MEIS2: variants seen among roughly 807,000 people sequenced by gnomAD.
The protein encoded by MEIS2 is Meis homeobox 2, also known as homeobox protein Meis2.
In MEIS2, 9 loss-of-function variants were observed where a neutral mutation model predicts 58.6. The observed-to-expected ratio is 0.15, with a 90% confidence interval of 0.09 to 0.27. MEIS2 has a LOEUF of 0.27. MEIS2 is among the 10% of genes least tolerant of loss of function. The pLI is 1.00. For synonymous variants in MEIS2, 221 were observed against 228.4 expected (o/e 0.97, Z 0.29); for missense variants, 427 against 635.0 (o/e 0.67, Z 3.52).
chr15:36,951,196 C>T (rs1010329927), intron 8 of MEIS2, among the ~76,000 whole-genome samples: 1 of 152,176 alleles, frequency 6.6e-6, no homozygotes, highest in African/African-American at 2.4e-5. Context: ...CTTCCATTAT[C>T]AAGACACTTT....
intron 7 of MEIS2, among the ~76,000 whole-genome samples, chr15:37,063,127 A>C (rs1889449194): frequency 6.6e-6 from 1 of 152,034 alleles, no homozygotes. Flanking sequence ...ACCAAAACCC[A>C]CCTGAAGCTT....
intron 7 of MEIS2, among the ~76,000 whole-genome samples, chr15:37,065,737 A>C (rs1432209987): frequency 6.6e-6 from 1 of 152,192 alleles, no homozygotes; most frequent in African/African-American, 2.4e-5. Context: ...AGCTTTGAGA[A>C]AGTCCTTTTT....
intron 7 of MEIS2, among the ~76,000 whole-genome samples, chr15:37,058,287 T>C (rs1846315704): frequency 6.6e-6 from 1 of 152,204 alleles, no homozygotes; most frequent in African/African-American, 2.4e-5. Flanking sequence ...AACACACATT[T>C]ATAGGATAAC....
intron 9 of MEIS2, among the ~76,000 whole-genome samples, chr15:36,948,945 G>C (rs1261766537): frequency 1.3e-5 from 2 of 151,864 alleles, no homozygotes; most frequent in East Asian, 3.9e-4. Flanking sequence ...AGTCTGTATT[G>C]TCTATCTTTT....
chr15:36,905,193 TACAG>T (rs1350024111), intron 9 of MEIS2, among the ~76,000 whole-genome samples: 1 of 151,496 alleles, frequency 6.6e-6, no homozygotes, highest in Non-Finnish European at 1.5e-5. Context: ...CACACATACA[TACAG>T]ACAGAGTTAC....
chr15:36,933,604 TG>T (rs1437897791), intron 9 of MEIS2, among the ~76,000 whole-genome samples: 3 of 17,138 alleles, frequency 1.8e-4, no homozygotes, highest in Non-Finnish European at 3.2e-4. Flanking sequence ...GTGTGTGTGG[TG>T]GGGGTGGGCG....
At chr15:37,022,678 C>T (rs910921422) in intron 8 of MEIS2, among the ~76,000 whole-genome samples, 5 of 152,222 alleles carry the variant, frequency 3.3e-5, no homozygotes, top group African/African-American at 9.6e-5. Flanking sequence ...CTTGCTCTGT[C>T]GCCCAGGTTG....
intron 8 of MEIS2, among the ~76,000 whole-genome samples, chr15:36,966,713 G>A (rs2059370435): frequency 6.6e-6 from 1 of 152,138 alleles, no homozygotes; most frequent in African/African-American, 2.4e-5. Context: ...AGGAGTGAAG[G>A]TACTAAATGA....
At chr15:37,087,977 T>A (rs762442645) in intron 6 of MEIS2, among the ~76,000 whole-genome samples, 27 of 152,084 alleles carry the variant, frequency 1.8e-4, no homozygotes, top group Non-Finnish European at 3.4e-4. Flanking sequence ...ACATACAAGT[T>A]CTATCTAAAA....
intron 8 of MEIS2, among the ~76,000 whole-genome samples, chr15:36,980,463 A>T (rs2059896525): frequency 6.6e-6 from 1 of 152,132 alleles, no homozygotes; most frequent in Admixed American, 6.5e-5. Flanking sequence ...TCTTACATGG[A>T]TGGCAGCAAG....
chr15:36,911,286 T>C (rs1446741297), intron 9 of MEIS2, among the ~76,000 whole-genome samples: 3 of 151,944 alleles, frequency 2.0e-5, no homozygotes, highest in African/African-American at 4.8e-5. Context: ...TGTGTGTGTG[T>C]GTGTATGTAT....
At chr15:36,990,637 CT>C (rs1261788183) in intron 8 of MEIS2, among the ~76,000 whole-genome samples, 10 of 46,106 alleles carry the variant, frequency 2.2e-4, no homozygotes, top group African/African-American at 5.5e-4. Flanking sequence ...GTTTAGTGGG[CT>C]TTCTTTTTTT....
At chr15:36,998,168 T>G (rs935812040) in intron 8 of MEIS2, among the ~76,000 whole-genome samples, 5 of 151,260 alleles carry the variant, frequency 3.3e-5, no homozygotes, top group Admixed American at 6.6e-5. Flanking sequence ...TACCATAGTT[T>G]AAAGCCAGTT....
intron 7 of MEIS2, among the ~76,000 whole-genome samples, chr15:37,076,271 A>G (rs978537981): frequency 6.6e-6 from 1 of 152,054 alleles, no homozygotes; most frequent in Admixed American, 6.6e-5. Flanking sequence ...AGGGGAAAAA[A>G]TAACATGGCG....
intron 7 of MEIS2, among the ~76,000 whole-genome samples, chr15:37,071,248 A>T (rs1890666657): frequency 6.6e-6 from 1 of 152,152 alleles, no homozygotes; most frequent in African/African-American, 2.4e-5. Flanking sequence ...CAAGAATCTT[A>T]CAGTCAAGCA....
rs189597559 is a variant in MEIS2 at position 37,051,154 on chromosome 15, T to G, written c.755-14195A>C. On this transcript the variant is annotated intron_variant, in intron 7 of 11. Coordinates refer to ENST00000561208, the MANE Select transcript of MEIS2 (RefSeq NM_170675.5). ...AAACTTAAGGACTTCATACACAACA[T>G]CTAGCCTCATGTAGTACCTGAAATA... 2.6e-5 allele frequency among the ~76,000 whole-genome samples: 4 copies of G among 152,344 alleles called. No homozygotes were observed. The East Asian group carries it at 7.7e-4, about 29-fold the overall frequency.
In MEIS2 at chr15:37,097,977, C is replaced by A. The variant is rs1894510494; in HGVS notation, c.235G>T (p.Ala79Ser). The A allele has an allele frequency of 6.3e-7, 1 of 1,599,238 alleles. No homozygotes were observed. The highest frequency in any genetic ancestry group is 1.3e-5 in the African/African-American group (1 of 74,710). ...VNDALKRDKD[A>S]IYGHPLFPLL... ...GGGGGGTCAGTTTACCCATAGATCG[C>A]GTCCTTGTCCCGCTTCAAGGCGTCG... The change falls in exon 2 of 12, where the codon GCG becomes TCG. Residue 79 changes from alanine to serine, a missense_variant. This residue lies in a region of MEIS2 where 138 missense variants were observed against 263.0 expected (regional missense o/e 0.52). Coordinates refer to ENST00000561208, the MANE Select transcript of MEIS2 (RefSeq NM_170675.5).
At chr15:37,010,248 TG>T (rs386783078) in intron 8 of MEIS2, among the ~76,000 whole-genome samples, 3,055 of 151,870 alleles carry the variant, frequency 0.02, 105 homozygotes, top group African/African-American at 0.069. Context: ...CCACCACACC[TG>T]GCTAATTTTT....
chr15:37,053,372 C>T (rs758309370), intron 7 of MEIS2, among the ~76,000 whole-genome samples: 15 of 152,116 alleles, frequency 9.9e-5, no homozygotes, highest in Non-Finnish European at 1.8e-4. Flanking sequence ...AGGAATTCAC[C>T]GCTGACCCAG....
Sources: allele counts gnomAD v4.1 joint callset (sites outside exome capture counted in the v4.1 genomes callset), GRCh38; gene constraint gnomAD v4.1.1; regional missense constraint gnomAD v4.1.1; transcripts MANE v1.5; gene names NCBI Gene and HGNC (gene_info 2026-07-23, HGNC 2026-07-21).